The following NKAIN2 variants were observed in gnomAD, a reference collection of about 807,000 sequenced individuals.
The protein encoded by NKAIN2 is sodium/potassium transporting ATPase interacting 2.
In NKAIN2, 14 loss-of-function variants were observed where a neutral mutation model predicts 32.6. That is an observed-to-expected ratio of 0.43 (90% CI 0.28 to 0.67). NKAIN2 has a LOEUF of 0.67. Ranked by LOEUF, NKAIN2 falls within the 30% of genes least tolerant of loss-of-function variation. NKAIN2 has a pLI of 0.17. For missense variants in NKAIN2, 198 were observed against 258.3 expected (o/e 0.77, Z 1.60); for synonymous variants, 80 against 87.2 (o/e 0.92, Z 0.46).
At chr6:124,500,425 G>C (rs1026387499) in intron 3 of NKAIN2, among the ~76,000 whole-genome samples, 1 of 152,032 alleles carries the variant, frequency 6.6e-6, no homozygotes, top group Non-Finnish European at 1.5e-5. Flanking sequence ...GAGGCTGGTG[G>C]ATCACTTGAA....
rs184757976 is a variant in NKAIN2 at position 124,725,876 on chromosome 6, G to A, written c.475-65463G>A. Among the ~76,000 whole-genome samples the A allele has an allele frequency of 5.8e-3, 884 of 152,330 alleles. 12 individuals carry two copies. Among genetic ancestry groups the A allele is most frequent in the African/African-American group, 0.021 (856 of 41,582 alleles). The stretch of plus-strand genomic sequence containing the variant: ...CACCGTGTGCAAGCCAAAGCAGGGC[G>A]AGGCATTGCCTCACTTGGGAAGCGC... On this transcript the variant is annotated intron_variant, in intron 4 of 6. Coordinates refer to ENST00000368417, the MANE Select transcript of NKAIN2 (RefSeq NM_001040214.3).
At chr6:124,779,247 AAGAGAGAGAGAG>A (rs71024703) in intron 4 of NKAIN2, among the ~76,000 whole-genome samples, 26 of 75,370 alleles carry the variant, frequency 3.4e-4, no homozygotes, top group Non-Finnish European at 5.2e-4. Context: ...CCAACAAAGA[AAGAGAGAGAGAG>A]AGAGAGAGAG....
chr6:124,442,099 A>T (rs1562187672), intron 3 of NKAIN2, among the ~76,000 whole-genome samples: 1 of 152,032 alleles, frequency 6.6e-6, no homozygotes, highest in African/African-American at 2.4e-5. Context: ...AGTCATTAAC[A>T]TGCCACCAAT....
chr6:124,700,871 GACACACAC>G lies in NKAIN2; in HGVS notation c.474+42506_474+42513del, dbSNP rs143125409. Among the ~76,000 whole-genome samples, 350 of 145,472 alleles carry G rather than the reference GACACACAC, an allele frequency of 2.4e-3. 3 individuals carry two copies. Among genetic ancestry groups the G allele is most frequent in the African/African-American group, 8.2e-3 (325 of 39,480 alleles). On this transcript the variant is annotated intron_variant, in intron 4 of 6. Coordinates refer to ENST00000368417, the MANE Select transcript of NKAIN2 (RefSeq NM_001040214.3). ...TTCATATAGAAATTGTCTCTTTCCT[GACACACAC>G]ACACACACACACACACACACTCTCT...
At chr6:124,708,563 T>C (rs1775237261) in intron 4 of NKAIN2, among the ~76,000 whole-genome samples, 1 of 151,938 alleles carries the variant, frequency 6.6e-6, no homozygotes, top group Non-Finnish European at 1.5e-5. Flanking sequence ...TTCACATCCC[T>C]TGTAAGTTGG....
intron 1 of NKAIN2, among the ~76,000 whole-genome samples, chr6:124,078,957 C>T (rs1272694954): frequency 6.6e-6 from 1 of 152,016 alleles, no homozygotes; most frequent in African/African-American, 2.4e-5. Flanking sequence ...GATTATTTTT[C>T]TTCTTCCTCT....
intron 5 of NKAIN2, among the ~76,000 whole-genome samples, chr6:124,804,842 T>A (rs575704668): frequency 1.1e-4 from 17 of 152,326 alleles, no homozygotes; most frequent in Middle Eastern, 3.4e-3. Context: ...GGAGATTATA[T>A]GCTGCACCTG....
intron 3 of NKAIN2, among the ~76,000 whole-genome samples, chr6:124,414,356 T>C (rs2114510128): frequency 6.6e-6 from 1 of 152,340 alleles, no homozygotes; most frequent in Middle Eastern, 3.4e-3. Context: ...TGCTTGCTAC[T>C]GTATTCTTAG....
chr6:124,029,929 A>T (rs1171258994), intron 1 of NKAIN2, among the ~76,000 whole-genome samples: 1 of 152,056 alleles, frequency 6.6e-6, no homozygotes, highest in Admixed American at 6.6e-5. Flanking sequence ...CCTTATAAGA[A>T]TCTAATGCCA....
At chr6:124,695,498 G>C (rs760743575) in intron 4 of NKAIN2, among the ~76,000 whole-genome samples, 1 of 152,192 alleles carries the variant, frequency 6.6e-6, no homozygotes, top group Non-Finnish European at 1.5e-5. Context: ...AGAGCTTTAT[G>C]AAGGTTAAAT....
intron 3 of NKAIN2, among the ~76,000 whole-genome samples, chr6:124,413,246 C>T (rs1388825021): frequency 6.6e-6 from 1 of 152,160 alleles, no homozygotes; most frequent in Admixed American, 6.5e-5. Context: ...ATGCAGAAAT[C>T]ACCTGTCTTC....
chr6:123,919,737 A>G (rs1775662230), intron 1 of NKAIN2, among the ~76,000 whole-genome samples: 2 of 152,074 alleles, frequency 1.3e-5, no homozygotes, highest in African/African-American at 4.8e-5. Context: ...AGATTTAATA[A>G]TCTCTCACCT....
intron 1 of NKAIN2, among the ~76,000 whole-genome samples, chr6:124,035,653 T>C (rs1289762128): frequency 2.0e-5 from 3 of 152,178 alleles, no homozygotes; most frequent in African/African-American, 2.4e-5. Flanking sequence ...TAGTAACTTC[T>C]AGCCATTGTT....
chr6:124,196,486 T>C (rs1298510975), intron 1 of NKAIN2, among the ~76,000 whole-genome samples: 1 of 152,074 alleles, frequency 6.6e-6, no homozygotes, highest in Non-Finnish European at 1.5e-5. Flanking sequence ...ACAGATTTGG[T>C]TTTAATTGTG....
chr6:124,792,932 G>A (rs1779809621), intron 5 of NKAIN2, among the ~76,000 whole-genome samples: 1 of 151,958 alleles, frequency 6.6e-6, no homozygotes, highest in African/African-American at 2.4e-5. Context: ...CTTATAAAAA[G>A]AGATTAACAT....
chr6:124,212,870 A>G (rs1261375236), intron 1 of NKAIN2, among the ~76,000 whole-genome samples: 1 of 152,108 alleles, frequency 6.6e-6, no homozygotes, highest in Non-Finnish European at 1.5e-5. Flanking sequence ...TTAAAAACCC[A>G]GGAATAACAT....
chr6:124,166,242 T>G (rs1788534493), intron 1 of NKAIN2, among the ~76,000 whole-genome samples: 4 of 148,300 alleles, frequency 2.7e-5, no homozygotes, highest in Admixed American at 1.3e-4. Flanking sequence ...CATTGTGGTT[T>G]TGATTTGCAT....
intron 2 of NKAIN2, among the ~76,000 whole-genome samples, chr6:124,300,596 G>T (rs1796253508): frequency 6.6e-6 from 1 of 152,358 alleles, no homozygotes; most frequent in Admixed American, 6.5e-5. Flanking sequence ...ATAAGAAAAT[G>T]TGGGAATGTT....
intron 1 of NKAIN2, among the ~76,000 whole-genome samples, chr6:123,878,440 G>A (rs1472053730): frequency 1.3e-5 from 2 of 151,948 alleles, no homozygotes; most frequent in African/African-American, 2.4e-5. Context: ...ACCTGTCATT[G>A]TCAACCTTTT....
Sources: allele counts gnomAD v4.1 joint callset (sites outside exome capture counted in the v4.1 genomes callset), GRCh38; gene constraint gnomAD v4.1.1; transcripts MANE v1.5; gene names NCBI Gene and HGNC (gene_info 2026-07-23, HGNC 2026-07-21).